Variants in CCDC102A observed in about 807,000 individuals in gnomAD.
CCDC102A encodes the protein coiled-coil domain containing 102A, also known as coiled-coil domain-containing protein 102A.
A neutral mutation model predicts 55.5 loss-of-function variants in CCDC102A; 40 were observed. The observed-to-expected ratio is 0.72, with a 90% CI of 0.56 to 0.94. The LOEUF is 0.94. CCDC102A is among the 40% of genes least tolerant of loss of function. CCDC102A has a pLI of 0.00. For missense variants in CCDC102A, 779 were observed against 768.6 expected (o/e 1.01, Z -0.16); for synonymous variants, 323 against 339.0 (o/e 0.95, Z 0.52).
chr16:57,512,814 A>G lies in CCDC102A; in HGVS notation c.1580T>C (p.Phe527Ser). Reference protein sequence around the residue: ...PLFGKIRSARFGTEEAEDGTS... With the variant: ...PLFGKIRSARSGTEEAEDGTS... ...TCCATCCTCGGCCTCCTCGGTGCCA[A>G]AGCGAGCACTGCGGATCTTCCCGAA... is the stretch of plus-strand genomic sequence containing the variant. The change falls in exon 9 of 9, where the codon TTT becomes TCT. Residue 527 changes from phenylalanine to serine, a missense_variant. Transcript: ENST00000258214. The G allele has an allele frequency of 6.2e-7, 1 of 1,614,146 alleles. No individual in the cohort carries two copies. The highest frequency in any genetic ancestry group is 2.2e-5 in the East Asian group (1 of 44,882).
chr16:57,536,703 G>A (rs550293523), upstream of CCDC102A: 4 of 152,294 alleles, frequency 2.6e-5, no homozygotes, highest in African/African-American at 9.6e-5. Flanking sequence ...CCGGCCCACC[G>A]AGCTGCTGGG....
In CCDC102A at chr16:57,515,369, G is replaced by T; in HGVS notation, c.1495C>A (p.Gln499Lys). The T allele has an allele frequency of 6.2e-7, 1 of 1,606,698 alleles. No individual in the cohort carries two copies. The change falls in exon 8 of 9, where the codon CAA (glutamine) becomes AAA (lysine). Residue 499 changes from glutamine to lysine, a missense_variant. Transcript: ENST00000258214. ...DEQTEQSENL[Q>K]VQLEHLQSRL... ...GACTGCAGGTGCTCCAGTTGCACTTGCAGGTTCTCGCTCTGCTCCGTCTGC... is the reference window on the plus strand; with the variant it reads ...GACTGCAGGTGCTCCAGTTGCACTTTCAGGTTCTCGCTCTGCTCCGTCTGC...
chr16:57,531,393 C>T (rs1171256677), intron 1 of CCDC102A, among the ~76,000 whole-genome samples: 4 of 152,076 alleles, frequency 2.6e-5, no homozygotes, highest in Admixed American at 2.0e-4. Context: ...ATCTGCTGTG[C>T]ATCCGCCTTC....
At chr16:57,536,940 C>T (rs1460164679), upstream of CCDC102A, among the ~76,000 whole-genome samples, 2 of 152,178 alleles carry the variant, frequency 1.3e-5, no homozygotes, top group Non-Finnish European at 2.9e-5. Context: ...GCGAGCTTAC[C>T]AAGTCTTCAC....
At chr16:57,533,518 C>A (rs1051614444) in intron 1 of CCDC102A, among the ~76,000 whole-genome samples, 15 of 151,554 alleles carry the variant, frequency 9.9e-5, no homozygotes, top group African/African-American at 3.6e-4. Flanking sequence ...TCACACACAG[C>A]CCCAGTAATG....
intron 2 of CCDC102A, among the ~76,000 whole-genome samples, chr16:57,526,759 C>T (rs1436199988): frequency 6.6e-6 from 1 of 152,204 alleles, no homozygotes; most frequent in African/African-American, 2.4e-5. Context: ...GAGTCTGGAC[C>T]AGCCTCTTCC....
Position 57,516,234 on chromosome 16 carries a change from G to A in CCDC102A, c.1419+59C>T. 4 of 1,542,388 alleles carry A rather than the reference G, an allele frequency of 2.6e-6. No individual in the cohort carries two copies. The highest frequency in any genetic ancestry group is 2.3e-5 in the South Asian group (2 of 87,614). ...AATGGAGAAGCCAGGATGGCCCTGCGGCCCCCACTCCTCCCTGGCCAAGGT... is the reference window on the plus strand; with the variant it reads ...AATGGAGAAGCCAGGATGGCCCTGCAGCCCCCACTCCTCCCTGGCCAAGGT... On this transcript the variant is annotated intron_variant, in intron 7 of 8. Transcript: ENST00000258214. The surrounding 1 kb of genome is among the most constrained non-coding windows in gnomAD (Gnocchi z 4.4).
At chr16:57,522,631 C>CT (rs1319642584) in intron 3 of CCDC102A, among the ~76,000 whole-genome samples, 1 of 152,210 alleles carries the variant, frequency 6.6e-6, no homozygotes, top group Non-Finnish European at 1.5e-5. Context: ...CCACTTGTGT[C>CT]TTTGAGTTGC....
intron 3 of CCDC102A, among the ~76,000 whole-genome samples, chr16:57,521,737 T>C (rs1464999279): frequency 3.9e-5 from 6 of 152,318 alleles, no homozygotes; most frequent in Middle Eastern, 3.4e-3. Context: ...CCACCCTGCC[T>C]TGATCTTGAA....
Position 57,529,372 on chromosome 16 carries a change from G to T in CCDC102A, c.-147-48C>A. The T allele has an allele frequency of 1.5e-6, 1 of 647,822 alleles. No homozygotes were observed. Among genetic ancestry groups the T allele is most frequent in the Non-Finnish European group, 2.0e-6 (1 of 493,746 alleles). 40.1% of individuals were successfully genotyped at this position (647,822 alleles called of 1,614,324 possible). ...TTGGACTGCGACCACCGTCAGTCTC[G>T]AAGATCAGCCGCGCCAAGGCCCTGG... On this transcript the variant is annotated intron_variant, in intron 1 of 8. Transcript: ENST00000258214. This position sits in a 1 kb window ranked among gnomAD's most constrained non-coding sequence, Gnocchi z 4.1.
Position 57,512,703 on chromosome 16 carries a change from G to A in CCDC102A, c.*38C>T, listed in dbSNP as rs760016820. 4 of 1,598,328 alleles carry A rather than the reference G, an allele frequency of 2.5e-6. No individual in the cohort carries two copies. The highest frequency in any genetic ancestry group is 3.4e-6 in the Non-Finnish European group (4 of 1,171,246). On this transcript the variant is annotated 3_prime_UTR_variant, in exon 9 of 9. Coordinates refer to ENST00000258214, the MANE Select transcript of CCDC102A (RefSeq NM_033212.4). Reference sequence around the variant, plus strand: ...GGCTGGTTAGCCTGGACCCTGGGCAGGTATGGGGCGGCCCATCCTGCCCAG... The same window carrying A: ...GGCTGGTTAGCCTGGACCCTGGGCAAGTATGGGGCGGCCCATCCTGCCCAG...
chr16:57,520,595 A>ACATAAC (rs1555519315), intron 4 of CCDC102A, among the ~76,000 whole-genome samples: 1,637 of 121,384 alleles, frequency 0.013, 13 homozygotes, highest in Middle Eastern at 0.048. Flanking sequence ...ACATAACATA[A>ACATAAC]ATAAAATAAA....
At chr16:57,517,311 A>T (rs2031972155) in intron 6 of CCDC102A, among the ~76,000 whole-genome samples, 1 of 152,082 alleles carries the variant, frequency 6.6e-6, no homozygotes, top group Non-Finnish European at 1.5e-5. Flanking sequence ...GCACACTACC[A>T]GTTAACGGCT....
chr16:57,531,398 G>A (rs1198175991), intron 1 of CCDC102A, among the ~76,000 whole-genome samples: 1 of 151,858 alleles, frequency 6.6e-6, no homozygotes, highest in African/African-American at 2.4e-5. Context: ...CTGTGCATCC[G>A]CCTTCCATCC....
At chr16:57,531,508 T>TC (rs2032262590) in intron 1 of CCDC102A, among the ~76,000 whole-genome samples, 1 of 152,072 alleles carries the variant, frequency 6.6e-6, no homozygotes, top group Admixed American at 6.6e-5. Context: ...TCATGCACTT[T>TC]CACCTCCTTC....
At position 57,529,933 on chromosome 16, in the gene CCDC102A, C is replaced by T. The variant is rs2032224221; in HGVS notation, c.-147-609G>A. ...TGATGACAATGATATTTGTGGAGGGCAGGCCACAAGCCAGGCACTGTGCCC... is the reference window on the plus strand; with the variant it reads ...TGATGACAATGATATTTGTGGAGGGTAGGCCACAAGCCAGGCACTGTGCCC... On this transcript the variant is annotated intron_variant, in intron 1 of 8. Coordinates refer to ENST00000258214, the MANE Select transcript of CCDC102A (RefSeq NM_033212.4). The surrounding 1 kb of genome is among the most constrained non-coding windows in gnomAD (Gnocchi z 4.1). Among the ~76,000 whole-genome samples, 1 of 152,192 alleles carries T rather than the reference C, an allele frequency of 6.6e-6. No homozygotes were observed. The highest frequency in any genetic ancestry group is 6.5e-5 in the Admixed American group (1 of 15,284).
At chr16:57,519,112 C>G (rs2032006240) in intron 4 of CCDC102A, among the ~76,000 whole-genome samples, 2 of 152,110 alleles carry the variant, frequency 1.3e-5, no homozygotes, top group African/African-American at 4.8e-5. Flanking sequence ...TACGCTCTCA[C>G]AAAGCCCTGC....
chr16:57,532,631 T>C (rs1377323201), intron 1 of CCDC102A, among the ~76,000 whole-genome samples: 3 of 151,394 alleles, frequency 2.0e-5, no homozygotes, highest in African/African-American at 7.3e-5. Context: ...AAGACACACA[T>C]ATGCCAGCAC....
At chr16:57,512,930 GGCT>G (rs1366161441) in intron 8 of CCDC102A, 60 bp from the exon 9 acceptor site, 2 of 1,476,090 alleles carry the variant, frequency 1.4e-6, no homozygotes, top group African/African-American at 2.8e-5. Context: ...CCGATAAGGT[GGCT>G]GCAGCTGGTG....
Sources: allele counts gnomAD v4.1 joint callset (sites outside exome capture counted in the v4.1 genomes callset), GRCh38; gene constraint gnomAD v4.1.1; non-coding constraint Gnocchi (gnomAD v3.1); transcripts MANE v1.5; gene names NCBI Gene and HGNC (gene_info 2026-07-23, HGNC 2026-07-21).